Variants in ACSL6 observed in about 807,000 individuals in gnomAD.
The protein encoded by ACSL6 is long-chain-fatty-acid--CoA ligase 6.
In ACSL6, 47 loss-of-function variants were observed where a neutral mutation model predicts 98.2. The observed-to-expected ratio is 0.48, with a 90% CI of 0.38 to 0.61. The LOEUF is 0.61. Ranked by LOEUF, ACSL6 falls within the 20% of genes least tolerant of loss-of-function variation. ACSL6 has a pLI of 0.00. For synonymous variants in ACSL6, 362 were observed against 336.9 expected, an observed-to-expected ratio of 1.07 and a Z score of -0.82; for missense variants, 761 against 913.4, an observed-to-expected ratio of 0.83 and a Z score of 2.15.
chr5:131,986,759 T>C, intron 8 of ACSL6, 63 bp downstream of exon 8: 1 of 1,584,278 alleles, frequency 6.3e-7, no homozygotes, highest in Non-Finnish European at 8.7e-7. Context: ...AGTGAGGGAC[T>C]CTGTGAGGAC....
chr5:131,994,763 A>G (rs1227760850), intron 1 of ACSL6: 3 of 176,670 alleles, frequency 1.7e-5, no homozygotes, highest in Admixed American at 1.1e-4. Context: ...CCTGACCCTG[A>G]GTGAGAGCGA....
intron 17 of ACSL6, among the ~76,000 whole-genome samples, chr5:131,965,741 T>A (rs899761999): frequency 3.9e-5 from 6 of 151,994 alleles, no homozygotes; most frequent in African/African-American, 1.5e-4. Context: ...TAATAAAGGA[T>A]AAAGTCCAGA....
intron 1 of ACSL6, among the ~76,000 whole-genome samples, chr5:131,998,015 T>C (rs562498502): frequency 1.2e-4 from 18 of 152,316 alleles, no homozygotes; most frequent in African/African-American, 4.3e-4. Flanking sequence ...AGCCTAGGCC[T>C]TGGAGTCTGG....
intron 17 of ACSL6, among the ~76,000 whole-genome samples, chr5:131,964,476 C>G (rs994834154): frequency 3.3e-5 from 5 of 152,226 alleles, no homozygotes; most frequent in African/African-American, 1.2e-4. Context: ...GCCCTGTGCT[C>G]AAGCACAACA....
chr5:131,965,100 A>T (rs1394264909), intron 17 of ACSL6, among the ~76,000 whole-genome samples: 2 of 152,208 alleles, frequency 1.3e-5, no homozygotes, highest in African/African-American at 2.4e-5. Flanking sequence ...CTCAAAGGGA[A>T]GTACACAGGC....
intron 1 of ACSL6, among the ~76,000 whole-genome samples, chr5:131,998,585 A>G (rs1580693234): frequency 6.6e-6 from 1 of 152,098 alleles, no homozygotes; most frequent in Non-Finnish European, 1.5e-5. Flanking sequence ...GGACCCTGAC[A>G]TGGCTCCAAG....
At chr5:132,000,353 C>T (rs966838692) in intron 1 of ACSL6, among the ~76,000 whole-genome samples, 1 of 152,046 alleles carries the variant, frequency 6.6e-6, no homozygotes, top group Admixed American at 6.6e-5. Flanking sequence ...ATACTGTTGC[C>T]TAGTTTGCAT....
chr5:131,968,951 T>C (rs1383727484), intron 15 of ACSL6, among the ~76,000 whole-genome samples: 3 of 152,126 alleles, frequency 2.0e-5, no homozygotes, highest in East Asian at 3.8e-4. Flanking sequence ...AGTGTTTACA[T>C]AGGAAAATGT....
Position 131,954,104 on chromosome 5 carries a change from C to A in ACSL6, c.*130G>T. 1.1e-6 allele frequency: 1 copy of A among 894,646 alleles called. No homozygotes were observed. Among genetic ancestry groups the A allele is most frequent in the East Asian group, 3.0e-5 (1 of 32,904 alleles). The allele number at this position is 894,646 out of a possible 1,614,324, so 55.4% of individuals were successfully genotyped here. A position where few individuals can be genotyped will look rare whatever the true frequency, so the allele number is the denominator to read the frequency against. ...AAATATTGTTAAAGACCTCTTGGGA[C>A]AGGAAAAGGCTCAGTCATAAAATCA... On this transcript the variant is annotated 3_prime_UTR_variant, in exon 21 of 21. Transcript: ENST00000651883.
At chr5:132,006,196 T>A (rs1755399773) in intron 1 of ACSL6, 1 of 152,190 alleles carries the variant, frequency 6.6e-6, no homozygotes, top group South Asian at 2.1e-4. Context: ...CAGGTGAGAC[T>A]TCTTGGGATT....
chr5:131,970,132 G>A lies in ACSL6; in HGVS notation c.1503C>T (p.Thr501=), dbSNP rs764867762. ...GCTFTTPGDW[T]SGHVGAPLPC... Reference sequence around the variant, plus strand: ...TATATCTCTAGCCCATCCTACCTGAGGTCCAGTCGCCAGGAGTGGTGAAGG... The same window carrying A: ...TATATCTCTAGCCCATCCTACCTGAAGTCCAGTCGCCAGGAGTGGTGAAGG... The change falls in exon 15 of 21, where the codon ACC becomes ACT. Residue 501 remains threonine (T), a synonymous_variant. Coordinates refer to ENST00000651883, the MANE Select transcript of ACSL6 (RefSeq NM_001009185.3). The A allele has an allele frequency of 6.8e-6, 11 of 1,614,100 alleles. No homozygotes were observed. Among genetic ancestry groups the A allele is most frequent in the Admixed American group, 1.7e-5 (1 of 60,014 alleles).
chr5:131,955,170 T>C (rs1310482477), intron 20 of ACSL6, among the ~76,000 whole-genome samples: 1 of 152,204 alleles, frequency 6.6e-6, no homozygotes, highest in Non-Finnish European at 1.5e-5. Flanking sequence ...GCTGGAAATC[T>C]TGCCTAAAGA....
intron 18 of ACSL6, 36 bp downstream of exon 18, chr5:131,962,499 A>G: frequency 6.4e-7 from 1 of 1,574,568 alleles, no homozygotes; most frequent in Admixed American, 1.8e-5. Context: ...CAGCATGCCC[A>G]GGATATGTGG....
Position 131,954,097 on chromosome 5 carries a change from C to G in ACSL6, c.*137G>C, listed in dbSNP as rs1414894017. Reference sequence around the variant, plus strand: ...ATAGAGAAAATATTGTTAAAGACCTCTTGGGACAGGAAAAGGCTCAGTCAT... The same window carrying G: ...ATAGAGAAAATATTGTTAAAGACCTGTTGGGACAGGAAAAGGCTCAGTCAT... On this transcript the variant is annotated 3_prime_UTR_variant, in exon 21 of 21. Transcript: ENST00000651883. 2 of 828,952 alleles carry G rather than the reference C, an allele frequency of 2.4e-6. No homozygotes were observed. Among genetic ancestry groups the G allele is most frequent in the African/African-American group, 3.6e-5 (2 of 56,176 alleles). 51.3% of individuals were successfully genotyped at this position (828,952 alleles called of 1,614,324 possible).
chr5:131,954,132 T>C lies in ACSL6; in HGVS notation c.*102A>G, dbSNP rs1401372417. On this transcript the variant is annotated 3_prime_UTR_variant, in exon 21 of 21. Transcript: ENST00000651883. The stretch of plus-strand genomic sequence containing the variant: ...GAAAAGGCTCAGTCATAAAATCAGA[T>C]GCTTATTCATTTTCAGCTGTGTCAT... 2 of 1,259,794 alleles carry C rather than the reference T, an allele frequency of 1.6e-6. No homozygotes were observed. Among genetic ancestry groups the C allele is most frequent in the Middle Eastern group, 2.1e-4 (1 of 4,772 alleles). 78.0% of individuals were successfully genotyped at this position (1,259,794 alleles called of 1,614,324 possible). A position where few individuals can be genotyped will look rare whatever the true frequency, so the allele number is the denominator to read the frequency against.
intron 1 of ACSL6, among the ~76,000 whole-genome samples, chr5:132,000,865 T>C (rs185811618): frequency 5.3e-5 from 8 of 152,282 alleles, no homozygotes; most frequent in Non-Finnish European, 1.0e-4. Context: ...GTTTGCCCAA[T>C]TGCCTGGCAA....
chr5:131,970,273 A>C (rs2149713505), intron 14 of ACSL6, 73 bp from the exon 15 acceptor site: 2 of 1,386,300 alleles, frequency 1.4e-6, no homozygotes, highest in East Asian at 2.3e-5. Context: ...CCTTCCAGAC[A>C]GCTAACCTCC....
chr5:131,959,445 G>A (rs1392381306), intron 20 of ACSL6, 91 bp downstream of exon 20: 1 of 1,401,388 alleles, frequency 7.1e-7, no homozygotes, highest in Admixed American at 1.7e-5. Context: ...ACCATGAAAA[G>A]TCAGGAATCT....
intron 16 of ACSL6, among the ~76,000 whole-genome samples, chr5:131,967,087 G>A (rs186020811): frequency 6.6e-6 from 1 of 152,288 alleles, no homozygotes; most frequent in East Asian, 1.9e-4. Flanking sequence ...GCTAGCACCT[G>A]TAATCCCAGT....
Sources: gnomAD v4.1 joint callset for allele counts (sites outside exome capture counted in the v4.1 genomes callset) on GRCh38, gnomAD v4.1.1 for gene constraint, MANE v1.5 for transcripts, NCBI Gene and HGNC (gene_info 2026-07-23, HGNC 2026-07-21) for gene names.